Variants in RBFOX1 observed in about 807,000 individuals in gnomAD.
RBFOX1 encodes the protein RNA binding protein fox-1 homolog 1.
RBFOX1 carries 8 observed loss-of-function variants against 57.7 expected under a neutral mutation model. The observed-to-expected ratio is 0.14, with a 90% CI of 0.08 to 0.25. RBFOX1 has a LOEUF of 0.25. Among genes scored for constraint, RBFOX1 ranks in the 10% least tolerant of loss-of-function variants. The pLI is 1.00. For missense variants in RBFOX1, 611 were observed against 548.5 expected (o/e 1.11, Z -1.14); for synonymous variants, 326 against 222.4 (o/e 1.47, Z -4.15).
rs138904847 is a variant in RBFOX1, at chr16:5,812,384, T to C, written c.319-54919T>C. On this transcript the variant is annotated intron_variant, in intron 3 of 19. Transcript: ENST00000641259. ...ACTGTTTTCCAGAGTGGTTGAACCA[T>C]GTTACATTTCCACCAGCAGTCTATA... 3.9e-5 allele frequency among the ~76,000 whole-genome samples: 6 copies of C among 152,232 alleles called. No homozygotes were observed. The East Asian group carries it at 1.2e-3, about 29-fold the overall frequency.
intron 1 of RBFOX1, among the ~76,000 whole-genome samples, chr16:6,134,562 C>G (rs1341113490): frequency 1.3e-5 from 2 of 152,096 alleles, no homozygotes; most frequent in East Asian, 3.9e-4. Flanking sequence ...AAAGACATGA[C>G]ATTAGTTCTG....
At chr16:6,972,056 T>G (rs777965723) in intron 3 of RBFOX1, among the ~76,000 whole-genome samples, 24 of 152,186 alleles carry the variant, frequency 1.6e-4, no homozygotes, top group Middle Eastern at 3.2e-3. Flanking sequence ...GACTTTTGTT[T>G]CCTTAACAAA....
At chr16:7,615,377 A>T (rs1248635566) in intron 10 of RBFOX1, among the ~76,000 whole-genome samples, 1 of 152,154 alleles carries the variant, frequency 6.6e-6, no homozygotes, top group Non-Finnish European at 1.5e-5. Flanking sequence ...ACACATTTGC[A>T]TTTAATATTG....
intron 6 of RBFOX1, among the ~76,000 whole-genome samples, chr16:7,584,042 T>C (rs1214239700): frequency 6.6e-6 from 1 of 152,112 alleles, no homozygotes; most frequent in Non-Finnish European, 1.5e-5. Flanking sequence ...GTGAAGTCAT[T>C]ATGGGGAGAC....
chr16:6,216,196 G>A (rs1470683003), intron 1 of RBFOX1, among the ~76,000 whole-genome samples: 1 of 151,998 alleles, frequency 6.6e-6, no homozygotes, highest in African/African-American at 2.4e-5. Context: ...CTTAATACCT[G>A]GGTGCTGAAA....
intron 4 of RBFOX1, among the ~76,000 whole-genome samples, chr16:7,206,919 G>C (rs540529876): frequency 6.6e-6 from 1 of 152,170 alleles, no homozygotes; most frequent in Non-Finnish European, 1.5e-5. Flanking sequence ...GCTTCTTACA[G>C]CATGGTCTGT....
rs1336675851 is a variant in RBFOX1 at position 6,158,228 on chromosome 16, T to C, written c.-127+138236T>C. Among the ~76,000 whole-genome samples, 11 of 152,306 alleles carry C rather than the reference T, an allele frequency of 7.2e-5. No homozygotes were observed. The South Asian group carries it at 1.4e-3, about 20-fold the overall frequency. On this transcript the variant is annotated intron_variant, in intron 1 of 15. Coordinates refer to ENST00000550418, the MANE Select transcript of RBFOX1 (RefSeq NM_018723.4). Reference sequence around the variant, plus strand: ...TGCTTGCAACTGTCCGGCGGGGCCTTGGACTTGTCTGAATCGGTATTTTGC... The same window carrying C: ...TGCTTGCAACTGTCCGGCGGGGCCTCGGACTTGTCTGAATCGGTATTTTGC...
chr16:6,303,257 T>G (rs1023090032), intron 1 of RBFOX1, among the ~76,000 whole-genome samples: 2 of 152,164 alleles, frequency 1.3e-5, no homozygotes, highest in African/African-American at 4.8e-5. Context: ...CAGTGCCATT[T>G]TCGTTCTGAG....
intron 1 of RBFOX1, among the ~76,000 whole-genome samples, chr16:5,267,480 T>C (rs2062889739): frequency 6.6e-6 from 1 of 151,966 alleles, no homozygotes; most frequent in South Asian, 2.1e-4. Flanking sequence ...GTATTTTTAG[T>C]AGAGGCGGGG....
At chr16:6,061,651 TATAA>T (rs1192351661) in intron 1 of RBFOX1, among the ~76,000 whole-genome samples, 2 of 152,044 alleles carry the variant, frequency 1.3e-5, no homozygotes, top group Admixed American at 6.6e-5. Context: ...TTCTTAACAA[TATAA>T]ATAAATCTCT....
At chr16:6,219,953 C>G (rs920332236) in intron 1 of RBFOX1, among the ~76,000 whole-genome samples, 3 of 152,092 alleles carry the variant, frequency 2.0e-5, no homozygotes, top group African/African-American at 7.2e-5. Context: ...GCTCTTAGCA[C>G]AAATGTAACA....
intron 2 of RBFOX1, among the ~76,000 whole-genome samples, chr16:6,554,801 CAGAT>C (rs1255124525): frequency 1.3e-5 from 2 of 149,358 alleles, no homozygotes; most frequent in Non-Finnish European, 2.9e-5. Flanking sequence ...CAGACACACA[CAGAT>C]AAACACACAG....
intron 3 of RBFOX1, among the ~76,000 whole-genome samples, chr16:6,893,430 C>T (rs573539397): frequency 4.6e-5 from 7 of 152,184 alleles, no homozygotes; most frequent in Non-Finnish European, 8.8e-5. Flanking sequence ...CTACCTCATT[C>T]ATCAAAAGAT....
chr16:5,827,795 G>A (rs1466452164), intron 3 of RBFOX1, among the ~76,000 whole-genome samples: 6 of 151,698 alleles, frequency 4.0e-5, no homozygotes, highest in Admixed American at 1.3e-4. Flanking sequence ...TCCTACACTC[G>A]TCCATTCATT....
In RBFOX1 at chr16:5,425,101, C is replaced by G. The variant is rs1022875749; in HGVS notation, c.220-42115C>G. Among the ~76,000 whole-genome samples the G allele has an allele frequency of 4.1e-5, 6 of 146,312 alleles. No individual in the cohort carries two copies. In the Admixed American group the frequency reaches 4.2e-4, roughly 10 times the overall value. ...TCTATCTATCTATCTATCTATCTAT[C>G]TATCTATCTATCTATCTATCTTGAG... On this transcript the variant is annotated intron_variant, in intron 1 of 2. Transcript: ENST00000585867.
chr16:6,716,565 A>G (rs531166554), intron 3 of RBFOX1, among the ~76,000 whole-genome samples: 3 of 152,204 alleles, frequency 2.0e-5, no homozygotes, highest in Admixed American at 2.0e-4. Flanking sequence ...TCTTCTTGGA[A>G]TGGAACTTGT....
At chr16:7,682,697 C>T (rs1004676624) in intron 14 of RBFOX1, among the ~76,000 whole-genome samples, 27 of 151,316 alleles carry the variant, frequency 1.8e-4, no homozygotes, top group African/African-American at 6.3e-4. Flanking sequence ...CTCCTGTGCC[C>T]CTGTGTCTAG....
intron 4 of RBFOX1, among the ~76,000 whole-genome samples, chr16:7,155,750 C>T (rs1191342472): frequency 2.2e-5 from 3 of 137,374 alleles, no homozygotes; most frequent in African/African-American, 8.4e-5. Flanking sequence ...CACACACACA[C>T]ACACACACAC....
At chr16:6,683,663 A>C (rs369126503) in intron 3 of RBFOX1, among the ~76,000 whole-genome samples, 1 of 152,178 alleles carries the variant, frequency 6.6e-6, no homozygotes, top group Non-Finnish European at 1.5e-5. Context: ...TACCAGGTTT[A>C]AGGCGAAAGC....
Sources: allele counts gnomAD v4.1 joint callset (sites outside exome capture counted in the v4.1 genomes callset), GRCh38; gene constraint gnomAD v4.1.1; transcripts MANE v1.5; gene names NCBI Gene and HGNC (gene_info 2026-07-23, HGNC 2026-07-21).